The following TAFA2 variants were observed in gnomAD, a reference collection of about 807,000 sequenced individuals.
TAFA2 encodes the protein TAFA chemokine like family member 2, also known as chemokine-like protein TAFA-2.
Under a neutral mutation model 18.8 loss-of-function variants are expected in TAFA2, and 7 were observed. That is an observed-to-expected ratio of 0.37 (90% CI 0.21 to 0.70). The LOEUF (loss-of-function observed/expected upper bound fraction) is 0.70. Ranked by LOEUF, TAFA2 falls within the 30% of genes least tolerant of loss-of-function variation. TAFA2 has a pLI of 0.53. For missense variants in TAFA2, 122 were observed against 158.1 expected (o/e 0.77, Z 1.23); for synonymous variants, 60 against 54.2 (o/e 1.11, Z -0.47).
At position 61,986,877 on chromosome 12, in the gene TAFA2, T is replaced by C. The variant is rs144750399; in HGVS notation, c.-1-119451A>G. Among the ~76,000 whole-genome samples the C allele has an allele frequency of 1.5e-3, 222 of 152,182 alleles. 1 individual carries two copies. Among genetic ancestry groups the C allele is most frequent in the Non-Finnish European group, 2.5e-3 (173 of 68,008 alleles). On this transcript the variant is annotated intron_variant, in intron 1 of 4. Transcript: ENST00000416284. ...TAAATAGGACTTGACAGAAGCAAAA[T>C]TGGGGAGAAGACAAGTAGACCGTCT... is the stretch of plus-strand genomic sequence containing the variant.
At chr12:61,786,413 C>A (rs1314315151) in intron 2 of TAFA2, among the ~76,000 whole-genome samples, 2 of 151,566 alleles carry the variant, frequency 1.3e-5, no homozygotes, top group Non-Finnish European at 3.0e-5. Flanking sequence ...AAGGTAAAAT[C>A]TAAAAGTCTG....
chr12:62,134,217 G>T (rs1870804417), intron 1 of TAFA2, among the ~76,000 whole-genome samples: 1 of 151,916 alleles, frequency 6.6e-6, no homozygotes, highest in African/African-American at 2.4e-5. Flanking sequence ...CAATACTGTT[G>T]ATACAAACTG....
At chr12:61,894,548 A>G (rs865807556) in intron 1 of TAFA2, among the ~76,000 whole-genome samples, 1 of 152,228 alleles carries the variant, frequency 6.6e-6, no homozygotes, top group African/African-American at 2.4e-5. Context: ...AAAAATAGAT[A>G]TAGTATCTTT....
intron 1 of TAFA2, among the ~76,000 whole-genome samples, chr12:62,024,243 G>A (rs144371229): frequency 2.0e-5 from 3 of 152,218 alleles, no homozygotes; most frequent in African/African-American, 7.2e-5. Context: ...ATTGGAAATA[G>A]AGTGCCCCAA....
chr12:62,234,805 C>T (rs1592412952), intron 1 of TAFA2: 2 of 1,021,956 alleles, frequency 2.0e-6, no homozygotes, highest in East Asian at 2.5e-5. Context: ...AGGAATGGGC[C>T]TGCTTGGGAG....
chr12:61,922,502 G>A (rs542630732), intron 1 of TAFA2, among the ~76,000 whole-genome samples: 2 of 152,288 alleles, frequency 1.3e-5, no homozygotes, highest in Admixed American at 1.3e-4. Context: ...AGGGGTCGGG[G>A]AACCCCCTCC....
chr12:62,123,772 CCACACACATACA>C (rs1870322872), intron 1 of TAFA2, among the ~76,000 whole-genome samples: 1 of 69,082 alleles, frequency 1.4e-5, no homozygotes, highest in East Asian at 3.2e-4. Flanking sequence ...ATCTCCCCCA[CCACACACATACA>C]CACACACACA....
At chr12:61,790,635 T>C (rs1191766937) in intron 2 of TAFA2, among the ~76,000 whole-genome samples, 1 of 151,738 alleles carries the variant, frequency 6.6e-6, no homozygotes, top group South Asian at 2.1e-4. Context: ...AAAAGCAAGA[T>C]ACCTAGGAGT....
chr12:61,795,727 TA>T (rs896769822), intron 2 of TAFA2, among the ~76,000 whole-genome samples: 17 of 140,534 alleles, frequency 1.2e-4, no homozygotes, highest in Admixed American at 3.6e-4. Context: ...AAGTGTAATT[TA>T]AAAAAAAAAC....
chr12:61,806,391 G>A (rs771227828), intron 2 of TAFA2, among the ~76,000 whole-genome samples: 21 of 152,126 alleles, frequency 1.4e-4, no homozygotes, highest in Non-Finnish European at 2.6e-4. Flanking sequence ...TCACCTTCTT[G>A]CATGATTGAG....
intron 2 of TAFA2, among the ~76,000 whole-genome samples, chr12:61,774,916 G>T (rs1297608744): frequency 6.6e-6 from 1 of 151,734 alleles, no homozygotes; most frequent in African/African-American, 2.4e-5. Flanking sequence ...TGTTGTAAAA[G>T]ATATATCTGA....
At chr12:61,879,659 G>A in intron 1 of TAFA2, 2 of 981,072 alleles carry the variant, frequency 2.0e-6, no homozygotes, top group Non-Finnish European at 3.3e-6. Context: ...ACGGTTCCTG[G>A]AGCAGCAGAA....
chr12:61,781,287 T>C (rs1301947716), intron 2 of TAFA2, among the ~76,000 whole-genome samples: 1 of 151,616 alleles, frequency 6.6e-6, no homozygotes, highest in Non-Finnish European at 1.5e-5. Context: ...AATGAGGGTA[T>C]AGACAAATTT....
intron 1 of TAFA2, among the ~76,000 whole-genome samples, chr12:62,220,822 A>T (rs1467728508): frequency 1.3e-5 from 2 of 151,954 alleles, no homozygotes; most frequent in Non-Finnish European, 2.9e-5. Context: ...AAAGAAGGGA[A>T]GGGGGCCGGG....
chr12:61,725,752 T>C (rs1437006013), intron 4 of TAFA2, among the ~76,000 whole-genome samples: 1 of 151,944 alleles, frequency 6.6e-6, no homozygotes, highest in East Asian at 1.9e-4. Context: ...TGCTTAGTCT[T>C]GCTTTGGCAA....
intron 1 of TAFA2, among the ~76,000 whole-genome samples, chr12:62,004,667 T>C (rs1254074592): frequency 2.0e-5 from 3 of 152,106 alleles, no homozygotes; most frequent in Non-Finnish European, 4.4e-5. Context: ...TGACCCAGAA[T>C]TTCCTCTGTT....
intron 1 of TAFA2, among the ~76,000 whole-genome samples, chr12:61,988,019 T>G (rs1344216998): frequency 6.6e-6 from 1 of 152,180 alleles, no homozygotes; most frequent in Non-Finnish European, 1.5e-5. Context: ...AAGACAAATA[T>G]GTGCTGCTGA....
Position 62,008,798 on chromosome 12 carries a change from A to G in TAFA2, c.-1-141372T>C, listed in dbSNP as rs183375848. 2.0e-5 allele frequency among the ~76,000 whole-genome samples: 3 copies of G among 152,286 alleles called. No homozygotes were observed. In the East Asian group the frequency reaches 5.8e-4, roughly 29 times the overall value. ...TATTTGGTGTTTTGACAAATGCCTG[A>G]CACTATCCATTTTATTGCCAACATT... On this transcript the variant is annotated intron_variant, in intron 1 of 4. Coordinates refer to ENST00000416284, the MANE Select transcript of TAFA2 (RefSeq NM_178539.5).
At chr12:61,835,713 G>A (rs1872892570) in intron 2 of TAFA2, among the ~76,000 whole-genome samples, 1 of 151,874 alleles carries the variant, frequency 6.6e-6, no homozygotes, top group East Asian at 1.9e-4. Context: ...CTTAAACATA[G>A]ATCTTGGACA....
Sources: allele counts gnomAD v4.1 joint callset (sites outside exome capture counted in the v4.1 genomes callset), GRCh38; gene constraint gnomAD v4.1.1; transcripts MANE v1.5; gene names NCBI Gene and HGNC (gene_info 2026-07-23, HGNC 2026-07-21).